The following KIF5C variants were observed in gnomAD, a reference collection of about 807,000 sequenced individuals.
KIF5C encodes kinesin heavy chain isoform 5C.
In KIF5C, 18 loss-of-function variants were observed where a neutral mutation model predicts 125.2. The ratio of observed to expected loss-of-function variants is 0.14; its 90% CI spans 0.10 to 0.21. The LOEUF (loss-of-function observed/expected upper bound fraction) is 0.21, where lower values mean the gene tolerates loss of function less well. Among genes scored for constraint, KIF5C ranks in the 10% least tolerant of loss-of-function variants. KIF5C has a pLI of 1.00. For missense variants in KIF5C, 780 were observed against 1,183.8 expected (o/e 0.66, Z 5.01); for synonymous variants, 405 against 434.0 (o/e 0.93, Z 0.83).
chr2:148,987,254 C>T (rs1681403482), intron 15 of KIF5C, among the ~76,000 whole-genome samples: 1 of 152,168 alleles, frequency 6.6e-6, no homozygotes, highest in Non-Finnish European at 1.5e-5. Flanking sequence ...ATGTATGCAA[C>T]ATGGGTCCCA....
At chr2:148,943,153 T>C (rs899405749) in intron 7 of KIF5C, among the ~76,000 whole-genome samples, 2 of 152,186 alleles carry the variant, frequency 1.3e-5, no homozygotes, top group African/African-American at 4.8e-5. Context: ...TTCTATAATA[T>C]GTTGCAGTCA....
intron 11 of KIF5C, among the ~76,000 whole-genome samples, chr2:148,967,497 G>A (rs1449602241): frequency 6.6e-6 from 1 of 152,196 alleles, no homozygotes; most frequent in Non-Finnish European, 1.5e-5. Flanking sequence ...TTGCTGGTGT[G>A]CCTTGGCTGG....
At chr2:148,908,142 G>GTCC (rs1385438374) in intron 1 of KIF5C, among the ~76,000 whole-genome samples, 1 of 152,222 alleles carries the variant, frequency 6.6e-6, no homozygotes, top group Non-Finnish European at 1.5e-5. Context: ...AGAGTTGAAA[G>GTCC]TTGACCTTTT....
At position 149,024,245 on chromosome 2, in the gene KIF5C, C is replaced by G. The variant is rs1574846326; in HGVS notation, c.*1175C>G. 1 of 152,572 alleles carries G rather than the reference C, an allele frequency of 6.6e-6. No homozygotes were observed. Among genetic ancestry groups the G allele is most frequent in the Non-Finnish European group, 1.5e-5 (1 of 68,030 alleles). 9.5% of individuals were successfully genotyped at this position (152,572 alleles called of 1,614,324 possible). A position where few individuals can be genotyped will look rare whatever the true frequency, so the allele number is the denominator to read the frequency against. ...ATACATGAATCTAAAGCTGAATCAACCCTTACTTCCAGTTGTGCTTATTAA... is the reference window on the plus strand; with the variant it reads ...ATACATGAATCTAAAGCTGAATCAAGCCTTACTTCCAGTTGTGCTTATTAA... On this transcript the variant is annotated 3_prime_UTR_variant, in exon 26 of 26. Coordinates refer to ENST00000435030, the MANE Select transcript of KIF5C (RefSeq NM_004522.3).
chr2:148,882,021 T>G (rs1349773331), intron 1 of KIF5C, among the ~76,000 whole-genome samples: 1 of 152,226 alleles, frequency 6.6e-6, no homozygotes, highest in Non-Finnish European at 1.5e-5. Flanking sequence ...GAGAAAGCTC[T>G]CCCCATAACC....
chr2:148,889,488 T>C (rs1043813266), intron 1 of KIF5C, among the ~76,000 whole-genome samples: 3 of 152,094 alleles, frequency 2.0e-5, no homozygotes, highest in African/African-American at 7.2e-5. Flanking sequence ...CATCCATCAA[T>C]TGGTGGAGGA....
chr2:148,999,321 G>A (rs1427681668), intron 19 of KIF5C, among the ~76,000 whole-genome samples: 6 of 135,490 alleles, frequency 4.4e-5, no homozygotes, highest in Non-Finnish European at 9.2e-5. Context: ...ATTTCTATAT[G>A]GGAAGCAAGG....
chr2:148,990,495 A>G (rs901911035), intron 15 of KIF5C, among the ~76,000 whole-genome samples: 7 of 152,252 alleles, frequency 4.6e-5, no homozygotes, highest in Non-Finnish European at 8.8e-5. Flanking sequence ...AGGACTACAT[A>G]GAAACACCTT....
chr2:149,017,244 G>A (rs947285093), intron 25 of KIF5C, among the ~76,000 whole-genome samples: 4 of 152,190 alleles, frequency 2.6e-5, no homozygotes, highest in African/African-American at 7.2e-5. Flanking sequence ...GTATAGCTGA[G>A]CTGGGCAGAG....
At chr2:148,897,654 C>T (rs1048318635) in intron 1 of KIF5C, among the ~76,000 whole-genome samples, 2 of 151,924 alleles carry the variant, frequency 1.3e-5, no homozygotes, top group Non-Finnish European at 2.9e-5. Flanking sequence ...TGATGTGGCT[C>T]ACACCTGTAA....
chr2:149,018,623 G>A (rs371653747), intron 25 of KIF5C, among the ~76,000 whole-genome samples: 36 of 152,248 alleles, frequency 2.4e-4, no homozygotes, highest in Admixed American at 1.5e-3. Flanking sequence ...GAGGCCAGGC[G>A]TTTGAAACCA....
At chr2:148,921,412 A>G (rs915376131) in intron 1 of KIF5C, among the ~76,000 whole-genome samples, 4 of 152,220 alleles carry the variant, frequency 2.6e-5, no homozygotes, top group African/African-American at 7.2e-5. Context: ...TATCTTTCTA[A>G]TAAGAGCAGC....
At chr2:148,910,054 A>G (rs1388079089) in intron 1 of KIF5C, among the ~76,000 whole-genome samples, 1 of 152,246 alleles carries the variant, frequency 6.6e-6, no homozygotes, top group African/African-American at 2.4e-5. Flanking sequence ...TAAAAATTCT[A>G]TTAATTCAAA....
At chr2:148,996,354 C>T (rs1681673383) in intron 17 of KIF5C, among the ~76,000 whole-genome samples, 1 of 152,244 alleles carries the variant, frequency 6.6e-6, no homozygotes, top group South Asian at 2.1e-4. Context: ...ACTCTCTGCT[C>T]TAACCTTGTA....
At chr2:149,003,597 GA>G (rs1681918568) in intron 21 of KIF5C, among the ~76,000 whole-genome samples, 1 of 152,260 alleles carries the variant, frequency 6.6e-6, no homozygotes, top group Non-Finnish European at 1.5e-5. Context: ...TGGGGAGGCA[GA>G]GGGATGATAA....
intron 1 of KIF5C, among the ~76,000 whole-genome samples, chr2:148,909,179 C>G (rs1681236299): frequency 6.6e-6 from 1 of 152,174 alleles, no homozygotes; most frequent in African/African-American, 2.4e-5. Context: ...CTTCCCCCAT[C>G]ACCCCATTGT....
In KIF5C at chr2:149,025,304, A is replaced by C. The variant is rs1682657034; in HGVS notation, c.*2234A>C. ...TAGTTGCTGATCAGCCAGTCAGTTC[A>C]CCTAGCTTCAATCTTTATAGGACTT... On this transcript the variant is annotated 3_prime_UTR_variant, in exon 26 of 26. Transcript: ENST00000435030. The C allele has an allele frequency of 6.6e-6, 1 of 152,660 alleles. No individual in the cohort carries two copies. The highest frequency in any genetic ancestry group is 2.4e-5 in the African/African-American group (1 of 41,466). 9.5% of individuals were successfully genotyped at this position (152,660 alleles called of 1,614,324 possible). A position where few individuals can be genotyped will look rare whatever the true frequency, so the allele number is the denominator to read the frequency against.
At chr2:148,940,745 G>A (rs1682390266) in intron 4 of KIF5C, among the ~76,000 whole-genome samples, 1 of 152,196 alleles carries the variant, frequency 6.6e-6, no homozygotes, top group African/African-American at 2.4e-5. Context: ...GAATCCTAGA[G>A]GGGGATTTTT....
intron 18 of KIF5C, chr2:148,997,889 C>A (rs6723124): frequency 0.015 from 2,443 of 166,234 alleles, 63 homozygotes; most frequent in African/African-American, 0.055. Flanking sequence ...CATGCCCTTG[C>A]TCCAGCCAGC....
Sources: gnomAD v4.1 joint callset for allele counts (sites outside exome capture counted in the v4.1 genomes callset) on GRCh38, gnomAD v4.1.1 for gene constraint, MANE v1.5 for transcripts, NCBI Gene and HGNC (gene_info 2026-07-23, HGNC 2026-07-21) for gene names.